Variants in GPR39 observed in about 807,000 individuals in gnomAD.
The protein encoded by GPR39 is zinc sensing receptor.
In GPR39, 23 loss-of-function variants were observed where a neutral mutation model predicts 18.4. That is an observed-to-expected ratio of 1.25 (90% CI 0.90 to 1.77). GPR39 has a LOEUF of 1.77. Among genes scored for constraint, GPR39 ranks in the 40% most tolerant of loss-of-function variants. The probability of loss-of-function intolerance (pLI) is 0.00; values close to 1 mark genes in which losing one functional copy is unlikely to be tolerated. For synonymous variants in GPR39, 280 were observed against 257.9 expected (o/e 1.09, Z -0.82); for missense variants, 647 against 602.4 (o/e 1.07, Z -0.78).
chr2:132,563,243 C>G (rs1172601858), intron 1 of GPR39, among the ~76,000 whole-genome samples: 2 of 152,226 alleles, frequency 1.3e-5, no homozygotes, highest in Non-Finnish European at 2.9e-5. Flanking sequence ...ATTATACTCA[C>G]AGCCTCCTAA....
Position 132,645,987 on chromosome 2 carries a change from G to A in GPR39, c.*381G>A, listed in dbSNP as rs1281855058. The A allele has an allele frequency of 7.6e-7, 1 of 1,322,298 alleles. No homozygotes were observed. The highest frequency in any genetic ancestry group is 1.5e-5 in the African/African-American group (1 of 67,086). 81.9% of individuals were successfully genotyped at this position (1,322,298 alleles called of 1,614,324 possible). On this transcript the variant is annotated 3_prime_UTR_variant, in exon 2 of 2. Coordinates refer to ENST00000329321, the MANE Select transcript of GPR39 (RefSeq NM_001508.3). ...AGAAGAAACTCACTCAGGGAGGTGG[G>A]GGGTTGGGGGCGAGGGCTGGAAGAA...
At chr2:132,634,627 G>A (rs577879880) in intron 1 of GPR39, among the ~76,000 whole-genome samples, 1 of 152,264 alleles carries the variant, frequency 6.6e-6, no homozygotes, top group East Asian at 1.9e-4. Flanking sequence ...CCATGCTTCT[G>A]CACACGTCCT....
intron 1 of GPR39, among the ~76,000 whole-genome samples, chr2:132,455,490 C>T (rs1237963605): frequency 1.3e-5 from 2 of 152,164 alleles, no homozygotes. Flanking sequence ...TTCAGTTCTG[C>T]TCTGATCTTA....
chr2:132,438,573 C>CTTTTTTT (rs35614907), intron 1 of GPR39, among the ~76,000 whole-genome samples: 1 of 97,764 alleles, frequency 1.0e-5, no homozygotes, highest in Non-Finnish European at 2.0e-5. Context: ...TGTCAGCAAG[C>CTTTTTTT]TTTTTTTTTT....
intron 1 of GPR39, among the ~76,000 whole-genome samples, chr2:132,422,700 T>A (rs1680037503): frequency 6.6e-6 from 1 of 152,112 alleles, no homozygotes; most frequent in Admixed American, 6.5e-5. Flanking sequence ...ATATTTTATG[T>A]TTATTACCCT....
In GPR39 at chr2:132,645,255, G is replaced by T; in HGVS notation, c.1011G>T (p.Ser337=). 1.9e-6 allele frequency: 3 copies of T among 1,614,128 alleles called. No individual in the cohort carries two copies. The highest frequency in any genetic ancestry group is 2.5e-6 in the Non-Finnish European group (3 of 1,180,028). ...PFSETFFYLS[S]VINPLLYTVS... ...CGGAGACGTTTTTCTACCTCAGCTC[G>T]GTCATCAACCCGCTCCTGTACACGG... Residue 337 remains serine (S), a synonymous_variant, in exon 2 of 2, where the codon TCG becomes TCT. Transcript: ENST00000329321.
At chr2:132,606,884 G>A (rs1025979316) in intron 1 of GPR39, among the ~76,000 whole-genome samples, 1 of 152,136 alleles carries the variant, frequency 6.6e-6, no homozygotes, top group African/African-American at 2.4e-5. Context: ...AACTCCCCCT[G>A]GAGTCCGCGT....
At chr2:132,639,015 T>C (rs1681814309) in intron 1 of GPR39, among the ~76,000 whole-genome samples, 1 of 152,168 alleles carries the variant, frequency 6.6e-6, no homozygotes. Flanking sequence ...CCAGGCTGAC[T>C]CTTACTCTCC....
chr2:132,639,247 G>A (rs1283025061), intron 1 of GPR39, among the ~76,000 whole-genome samples: 2 of 151,652 alleles, frequency 1.3e-5, no homozygotes, highest in East Asian at 3.9e-4. Flanking sequence ...CAGAGAACTT[G>A]AATGGGGGGA....
intron 1 of GPR39, among the ~76,000 whole-genome samples, chr2:132,492,036 C>A (rs1306540819): frequency 6.8e-6 from 1 of 147,138 alleles, no homozygotes; most frequent in Non-Finnish European, 1.5e-5. Flanking sequence ...ATATATACAC[C>A]ACATATATAT....
chr2:132,485,728 A>G (rs968503535), intron 1 of GPR39, among the ~76,000 whole-genome samples: 6 of 152,210 alleles, frequency 3.9e-5, no homozygotes, highest in African/African-American at 1.4e-4. Flanking sequence ...TTCTAATTCT[A>G]GTTCCCTTAC....
intron 1 of GPR39, among the ~76,000 whole-genome samples, chr2:132,536,152 A>G (rs1679755131): frequency 6.6e-6 from 1 of 151,860 alleles, no homozygotes; most frequent in Non-Finnish European, 1.5e-5. Context: ...AGTTCTTTTA[A>G]TTGTGATGTT....
At position 132,417,895 on chromosome 2, in the gene GPR39, C is replaced by CT; in HGVS notation, c.854dup (p.Arg286GlufsTer121). 6.3e-7 allele frequency: 1 copy of CT among 1,581,694 alleles called. No homozygotes were observed. The highest frequency in any genetic ancestry group is 1.3e-5 in the African/African-American group (1 of 74,708). The stretch of plus-strand genomic sequence containing the variant: ...CGCCAGGAGGCAGACCATCATCTTC[C>CT]TGAGTGAGTCCTAAGTCGGGGGCAA... On this transcript the variant is annotated frameshift_variant, in exon 1 of 2. Transcript: ENST00000329321. LOFTEE classifies it low-confidence loss of function (END_TRUNC).
intron 1 of GPR39, among the ~76,000 whole-genome samples, chr2:132,619,673 G>T (rs180881070): frequency 6.6e-6 from 1 of 152,276 alleles, no homozygotes; most frequent in East Asian, 1.9e-4. Context: ...AAAGGTGGCT[G>T]TCCAATTGGT....
chr2:132,620,431 C>G (rs58445711), intron 1 of GPR39, among the ~76,000 whole-genome samples: 2 of 152,164 alleles, frequency 1.3e-5, no homozygotes, highest in African/African-American at 2.4e-5. Flanking sequence ...AGTCACCCCT[C>G]CCATCTCAGT....
intron 1 of GPR39, among the ~76,000 whole-genome samples, chr2:132,514,401 C>T (rs1257384831): frequency 1.3e-5 from 2 of 152,204 alleles, no homozygotes; most frequent in East Asian, 1.9e-4. Flanking sequence ...CCGGAGTTAT[C>T]CAAGGATATC....
At chr2:132,427,783 G>A (rs1271013227) in intron 1 of GPR39, among the ~76,000 whole-genome samples, 1 of 149,424 alleles carries the variant, frequency 6.7e-6, no homozygotes, top group East Asian at 2.0e-4. Context: ...CTGAGGCCTC[G>A]AACTCCTGGG....
At chr2:132,451,301 T>C (rs560990121) in intron 1 of GPR39, among the ~76,000 whole-genome samples, 20 of 152,340 alleles carry the variant, frequency 1.3e-4, no homozygotes, top group African/African-American at 4.8e-4. Context: ...TTATTGTTCA[T>C]CATAGTACTC....
At chr2:132,601,511 T>C (rs60583538) in intron 1 of GPR39, among the ~76,000 whole-genome samples, 6,360 of 152,136 alleles carry the variant, frequency 0.042, 461 homozygotes, top group African/African-American at 0.14. Context: ...TATATCATAC[T>C]GAACTGGAAC....
Sources: gnomAD v4.1 joint callset for allele counts (sites outside exome capture counted in the v4.1 genomes callset) on GRCh38, gnomAD v4.1.1 for gene constraint, MANE v1.5 for transcripts, NCBI Gene and HGNC (gene_info 2026-07-23, HGNC 2026-07-21) for gene names.